CIT: variants seen among roughly 807,000 people sequenced by gnomAD.
CIT encodes the protein citron rho-interacting serine/threonine kinase, also known as citron Rho-interacting kinase.
Under a neutral mutation model 272.7 loss-of-function variants are expected in CIT, and 79 were observed. That is an observed-to-expected ratio of 0.29 (90% confidence interval 0.24 to 0.35). The LOEUF is 0.35. Among genes scored for constraint, CIT ranks in the 10% least tolerant of loss-of-function variants. The pLI is 1.00. For missense variants in CIT, 1,909 were observed against 2,618.3 expected (o/e 0.73, Z 5.91); for synonymous variants, 948 against 995.6 (o/e 0.95, Z 0.90).
chr12:119,870,714 C>T (rs901030408), intron 2 of CIT, among the ~76,000 whole-genome samples: 2 of 152,078 alleles, frequency 1.3e-5, no homozygotes, highest in African/African-American at 4.8e-5. Flanking sequence ...CACAGCTACA[C>T]CCATCATTTA....
intron 23 of CIT, among the ~76,000 whole-genome samples, chr12:119,749,736 TAAG>T (rs2137394771): frequency 6.6e-6 from 1 of 152,240 alleles, no homozygotes; most frequent in Non-Finnish European, 1.5e-5. Flanking sequence ...TTTTTTTTTT[TAAG>T]AAGATGCTTT....
intron 19 of CIT, among the ~76,000 whole-genome samples, chr12:119,762,011 A>G (rs985484274): frequency 6.6e-6 from 1 of 152,212 alleles, no homozygotes; most frequent in Non-Finnish European, 1.5e-5. Flanking sequence ...GACTTTTCCA[A>G]AGAACACCAA....
At chr12:119,695,191 A>G (rs953023161) in intron 46 of CIT, among the ~76,000 whole-genome samples, 4 of 152,034 alleles carry the variant, frequency 2.6e-5, no homozygotes, top group Non-Finnish European at 5.9e-5. Flanking sequence ...CTTGCCCCAT[A>G]CCCACTCCCC....
At chr12:119,875,490 C>A (rs971327969) in intron 2 of CIT, among the ~76,000 whole-genome samples, 6 of 152,054 alleles carry the variant, frequency 3.9e-5, no homozygotes, top group Admixed American at 6.6e-5. Flanking sequence ...ACACCTATAA[C>A]CCCAGTGCTT....
intron 9 of CIT, among the ~76,000 whole-genome samples, chr12:119,810,706 GAAA>G (rs5801367): frequency 2.0e-5 from 2 of 100,232 alleles, no homozygotes; most frequent in East Asian, 5.8e-4. Context: ...CATCATCTCA[GAAA>G]AAAAAAAAAA....
chr12:119,851,093 T>C (rs1970196429), intron 4 of CIT, among the ~76,000 whole-genome samples: 1 of 152,190 alleles, frequency 6.6e-6, no homozygotes, highest in Non-Finnish European at 1.5e-5. Context: ...TTTCCCTTTT[T>C]ATTTTTGTAG....
intron 10 of CIT, among the ~76,000 whole-genome samples, chr12:119,795,809 TAG>T (rs750575697): frequency 2.0e-5 from 3 of 152,204 alleles, no homozygotes; most frequent in Non-Finnish European, 2.9e-5. Flanking sequence ...AGCTACCTCA[TAG>T]AGTTACAGTG....
At position 119,825,292 on chromosome 12, in the gene CIT, T is replaced by A. The variant is rs1413703065; in HGVS notation, c.830A>T (p.Lys277Ile). ...GTCACAGTCCAGGCCGTAGGTGCCT[T>A]TTCCATCCCCGTTCATCACAGTCAG... ...EVLTVMNGDG[K>I]GTYGLDCDWW... Residue 277 changes from lysine (K) to isoleucine (I), a missense_variant, in exon 8 of 48, where the codon AAA (lysine) becomes ATA (isoleucine). Lys to Ile is a moderately radical substitution (Grantham distance 102). Around this residue, in one of 8 missense-constraint regions of CIT, gnomAD observed 529 missense variants for 549.6 expected, o/e 0.96. Coordinates refer to ENST00000392521, the MANE Select transcript of CIT (RefSeq NM_001206999.2). The A allele has an allele frequency of 1.2e-6, 2 of 1,613,992 alleles. No individual in the cohort carries two copies. The highest frequency in any genetic ancestry group is 2.2e-5 in the South Asian group (2 of 91,092).
At chr12:119,781,946 T>G (rs941204365) in intron 13 of CIT, among the ~76,000 whole-genome samples, 3 of 151,378 alleles carry the variant, frequency 2.0e-5, no homozygotes, top group Non-Finnish European at 2.9e-5. Context: ...AGAAGCCAGA[T>G]AGTAAGTAGT....
intron 39 of CIT, among the ~76,000 whole-genome samples, chr12:119,709,783 AGAGAGTGTGT>A (rs1216621260): frequency 2.7e-4 from 15 of 54,742 alleles, no homozygotes; most frequent in South Asian, 1.9e-3. Flanking sequence ...AGAGAGAGAG[AGAGAGTGTGT>A]GTGTGTGTGT....
At chr12:119,828,895 A>G (rs1023062435) in intron 7 of CIT, among the ~76,000 whole-genome samples, 1 of 152,160 alleles carries the variant, frequency 6.6e-6, no homozygotes, top group Non-Finnish European at 1.5e-5. Flanking sequence ...CTGTATTAAC[A>G]GGGAAGAAAA....
rs1050635273 is a variant in CIT at position 119,711,499 on chromosome 12, C to T, written c.4854+679G>A. On this transcript the variant is annotated intron_variant, in intron 37 of 47. Transcript: ENST00000392521. Reference sequence around the variant, plus strand: ...CTGCCGGCAGCCTATTGTGCTGCTTCGTGGCCAAAGTGCTTCTAACTCAAG... The same window carrying T: ...CTGCCGGCAGCCTATTGTGCTGCTTTGTGGCCAAAGTGCTTCTAACTCAAG... Among the ~76,000 whole-genome samples the T allele has an allele frequency of 6.6e-5, 10 of 152,188 alleles. No individual in the cohort carries two copies. The South Asian group carries it at 8.3e-4, about 13-fold the overall frequency.
intron 9 of CIT, among the ~76,000 whole-genome samples, chr12:119,806,137 CAAAAAAAAAAAAA>C (rs3858711): frequency 4.8e-5 from 3 of 62,656 alleles, no homozygotes; most frequent in African/African-American, 1.5e-4. Flanking sequence ...AACACCATCT[CAAAAAAAAAAAAA>C]AAAAAAAAAA....
At chr12:119,876,666 G>C (rs928807411) in intron 1 of CIT, among the ~76,000 whole-genome samples, 5 of 152,168 alleles carry the variant, frequency 3.3e-5, no homozygotes, top group African/African-American at 1.2e-4. Flanking sequence ...GCCACCATTT[G>C]ACCCAAGACT....
chr12:119,800,831 C>T (rs1966131375), intron 10 of CIT, among the ~76,000 whole-genome samples: 3 of 152,210 alleles, frequency 2.0e-5, no homozygotes, highest in Admixed American at 2.0e-4. Context: ...AATTTCATCA[C>T]TGCCTCTCTT....
At chr12:119,777,229 TG>T (rs1351005222) in intron 13 of CIT, among the ~76,000 whole-genome samples, 2 of 151,146 alleles carry the variant, frequency 1.3e-5, no homozygotes, top group African/African-American at 4.9e-5. Flanking sequence ...CACTCCAGCC[TG>T]GGTGACAGGG....
At chr12:119,700,954 C>T in intron 43 of CIT, 129 bp from the exon 44 acceptor site, 2 of 612,788 alleles carry the variant, frequency 3.3e-6, no homozygotes, top group Non-Finnish European at 5.9e-6. Flanking sequence ...ACTGTGAAAA[C>T]CAGAGGCCCT....
At chr12:119,760,198 AAAAAAAG>A (rs1169020846) in intron 20 of CIT, among the ~76,000 whole-genome samples, 19 of 151,908 alleles carry the variant, frequency 1.3e-4, no homozygotes, top group South Asian at 6.3e-4. Context: ...AAAAAAAAAA[AAAAAAAG>A]AGAGAGATTC....
intron 2 of CIT, among the ~76,000 whole-genome samples, chr12:119,875,707 G>A (rs57459050): frequency 0.088 from 13,432 of 152,054 alleles, 1,464 homozygotes; most frequent in African/African-American, 0.26. Flanking sequence ...AAAGCAAGCT[G>A]GGCACGGTTC....
Sources: gnomAD v4.1 joint callset for allele counts (sites outside exome capture counted in the v4.1 genomes callset) on GRCh38, gnomAD v4.1.1 for gene constraint, gnomAD v4.1.1 regional missense constraint, MANE v1.5 for transcripts, NCBI Gene and HGNC (gene_info 2026-07-23, HGNC 2026-07-21) for gene names.